Variants in SKA1 observed in about 807,000 individuals in gnomAD.
SKA1 encodes the protein SKA complex subunit 1.
SKA1 carries 20 observed loss-of-function variants against 31.8 expected under a neutral mutation model. That is an observed-to-expected ratio of 0.63 (90% CI 0.44 to 0.91). The LOEUF (loss-of-function observed/expected upper bound fraction) is 0.91. Among genes scored for constraint, SKA1 ranks in the 40% least tolerant of loss-of-function variants. The probability of loss-of-function intolerance (pLI) is 0.00; values close to 1 mark genes in which losing one functional copy is unlikely to be tolerated. For synonymous variants in SKA1, 88 were observed against 100.5 expected, an observed-to-expected ratio of 0.88 and a Z score of 0.74; for missense variants, 253 against 298.2, an observed-to-expected ratio of 0.85 and a Z score of 1.12.
At chr18:50,385,419 G>T in intron 5 of SKA1, 66 bp downstream of exon 5, 5 of 1,300,864 alleles carry the variant, frequency 3.8e-6, no homozygotes, top group Admixed American at 2.3e-5. Context: ...AAATAATAAA[G>T]CTTAATTATA....
intron 5 of SKA1, among the ~76,000 whole-genome samples, chr18:50,388,313 A>G (rs1228851575): frequency 2.6e-5 from 4 of 152,030 alleles, no homozygotes; most frequent in Non-Finnish European, 5.9e-5. Context: ...GATGGTCTCC[A>G]TCTCCTGACC....
At chr18:50,386,718 T>C (rs2041311335) in intron 5 of SKA1, among the ~76,000 whole-genome samples, 1 of 152,230 alleles carries the variant, frequency 6.6e-6, no homozygotes, top group African/African-American at 2.4e-5. Context: ...AAAAGTGCCT[T>C]GTATCCCACC....
chr18:50,391,324 T>C, intron 6 of SKA1, 31 bp downstream of exon 6: 1 of 1,520,674 alleles, frequency 6.6e-7, no homozygotes. Context: ...TGTGTACATG[T>C]GAACTGTTCA....
rs769085551 is a variant in SKA1, at chr18:50,375,954, A to G, written c.88+36A>G. 7 of 1,339,460 alleles carry G rather than the reference A, an allele frequency of 5.2e-6. No individual in the cohort carries two copies. In the East Asian group the frequency reaches 9.2e-5, roughly 18 times the overall value. 83.0% of individuals were successfully genotyped at this position (1,339,460 alleles called of 1,614,324 possible). A position where few individuals can be genotyped will look rare whatever the true frequency, so the allele number is the denominator to read the frequency against. Reference sequence around the variant, plus strand: ...CAGATTCCACTGACTTTGTATATACAAAATGCATTTTGATTATTCCACTCT... The same window carrying G: ...CAGATTCCACTGACTTTGTATATACGAAATGCATTTTGATTATTCCACTCT... On this transcript the variant is annotated intron_variant, in intron 2 of 6. Coordinates refer to ENST00000285116, the MANE Select transcript of SKA1 (RefSeq NM_145060.4).
At chr18:50,387,035 A>G (rs1386444112) in intron 5 of SKA1, among the ~76,000 whole-genome samples, 2 of 152,214 alleles carry the variant, frequency 1.3e-5, no homozygotes, top group African/African-American at 4.8e-5. Flanking sequence ...CATTTGGGTA[A>G]ATACTTAGGA....
Position 50,378,761 on chromosome 18 carries a change from T to C in SKA1, c.89-1365T>C, listed in dbSNP as rs111951187. On this transcript the variant is annotated intron_variant, in intron 2 of 6. Coordinates refer to ENST00000285116, the MANE Select transcript of SKA1 (RefSeq NM_145060.4). ...GAGATACCAGTGTATGGGGAAGAAATACTGTGTTCAACTAATTCTACTGAA... is the reference window on the plus strand; with the variant it reads ...GAGATACCAGTGTATGGGGAAGAAACACTGTGTTCAACTAATTCTACTGAA... Among the ~76,000 whole-genome samples the C allele has an allele frequency of 3.1e-3, 462 of 151,444 alleles. 3 individuals are homozygous for C. The highest frequency in any genetic ancestry group is 0.01 in the African/African-American group (414 of 41,274).
chr18:50,389,433 T>C lies in SKA1; in HGVS notation c.450-1691T>C, dbSNP rs949217053. 1.2e-4 allele frequency among the ~76,000 whole-genome samples: 17 copies of C among 145,710 alleles called. No homozygotes were observed. In the East Asian group the frequency reaches 3.6e-3, roughly 31 times the overall value. The stretch of plus-strand genomic sequence containing the variant: ...TTGTTTTTGAGACAGTCTCACTCTG[T>C]CCCACAGGCTGGAGTGCAGTGGCAT... On this transcript the variant is annotated intron_variant, in intron 5 of 6. Transcript: ENST00000285116.
chr18:50,381,961 A>G (rs2041267164), intron 3 of SKA1, among the ~76,000 whole-genome samples, 168 bp from the exon 4 acceptor site: 1 of 152,070 alleles, frequency 6.6e-6, no homozygotes, highest in African/African-American at 2.4e-5. Flanking sequence ...TCCTGACCTC[A>G]TGATCCACCC....
At position 50,392,182 on chromosome 18, in the gene SKA1, T is replaced by C; in HGVS notation, c.703T>C (p.Leu235=). 6.2e-7 allele frequency: 1 copy of C among 1,610,764 alleles called. No individual in the cohort carries two copies. Among genetic ancestry groups the C allele is most frequent in the Non-Finnish European group, 8.5e-7 (1 of 1,179,456 alleles). The change falls in exon 7 of 7, where the codon TTA becomes CTA. Residue 235 remains leucine, a synonymous_variant. Coordinates refer to ENST00000285116, the MANE Select transcript of SKA1 (RefSeq NM_145060.4). The part of the protein sequence containing the change: ...DKKFHVLLNI[L]RHCRRLSEVR... ...GAAGTTTCACGTGTTACTGAATATT[T>C]TACGACACTGCCGGAGGCTATCAGA... is the stretch of plus-strand genomic sequence containing the variant.
intron 5 of SKA1, among the ~76,000 whole-genome samples, chr18:50,386,794 C>G (rs2041312293): frequency 6.6e-6 from 1 of 152,224 alleles, no homozygotes; most frequent in Non-Finnish European, 1.5e-5. Context: ...GTAGCCTTCT[C>G]TGACTGGCTT....
rs1036116482 is a variant in SKA1, at chr18:50,393,640, T to C, written c.*1393T>C. ...TGTGATATAATAAGAAATATATATT[T>C]GATCTTCCTATCTAGTTCCTTGTTC... On this transcript the variant is annotated 3_prime_UTR_variant, in exon 7 of 7. Transcript: ENST00000285116. The C allele has an allele frequency of 1.3e-5, 2 of 152,236 alleles. No homozygotes were observed. The allele number at this position is 152,236 out of a possible 1,614,324, so 9.4% of individuals were successfully genotyped here.
At chr18:50,382,293 C>A in intron 4 of SKA1, 67 bp downstream of exon 4, 2 of 998,622 alleles carry the variant, frequency 2.0e-6, no homozygotes, top group Non-Finnish European at 1.4e-6. Context: ...TTCTTCAAAG[C>A]CTTTTGTTCT....
chr18:50,387,674 AT>A (rs1490503624), intron 5 of SKA1, among the ~76,000 whole-genome samples: 1 of 152,190 alleles, frequency 6.6e-6, no homozygotes, highest in Non-Finnish European at 1.5e-5. Flanking sequence ...CATCAAAGGC[AT>A]TCTTCATTTC....
chr18:50,392,492 C>G lies in SKA1; in HGVS notation c.*245C>G, dbSNP rs1003786353. 3.9e-6 allele frequency: 1 copy of G among 255,258 alleles called. No individual in the cohort carries two copies. Among genetic ancestry groups the G allele is most frequent in the African/African-American group, 2.2e-5 (1 of 44,858 alleles). The allele number at this position is 255,258 out of a possible 1,614,324, so 15.8% of individuals were successfully genotyped here. On this transcript the variant is annotated 3_prime_UTR_variant, in exon 7 of 7. Coordinates refer to ENST00000285116, the MANE Select transcript of SKA1 (RefSeq NM_145060.4). ...CAAGTGATCCTCCCACCTCAGCCCC[C>G]TGAATGGCTGGGACTACAAGCGTGC...
intron 2 of SKA1, among the ~76,000 whole-genome samples, chr18:50,379,261 A>G (rs1262861894): frequency 6.6e-6 from 1 of 152,126 alleles, no homozygotes; most frequent in African/African-American, 2.4e-5. Context: ...GGGTGCTAGG[A>G]GGTGGGATTG....
In SKA1 at chr18:50,385,371, A is replaced by C; in HGVS notation, c.449+18A>C. On this transcript the variant is annotated intron_variant, in intron 5 of 6. Transcript: ENST00000285116. The stretch of plus-strand genomic sequence containing the variant: ...GTTCCTTCGTAAGTATTTAAGATAA[A>C]TAATGTTCAACCCCTTAATAAACAT... 6.4e-7 allele frequency: 1 copy of C among 1,558,494 alleles called. No homozygotes were observed. Among genetic ancestry groups the C allele is most frequent in the Non-Finnish European group, 8.7e-7 (1 of 1,148,908 alleles).
intron 5 of SKA1, 64 bp downstream of exon 5, chr18:50,385,417 A>C: frequency 7.6e-7 from 1 of 1,316,774 alleles, no homozygotes; most frequent in South Asian, 1.5e-5. Flanking sequence ...TTAAATAATA[A>C]AGCTTAATTA....
At chr18:50,387,099 T>G (rs546597181) in intron 5 of SKA1, among the ~76,000 whole-genome samples, 1 of 152,376 alleles carries the variant, frequency 6.6e-6, no homozygotes, top group African/African-American at 2.4e-5. Context: ...AACCTGCCAA[T>G]GGCTATACCA....
intron 3 of SKA1, among the ~76,000 whole-genome samples, chr18:50,381,290 G>T (rs1447481002): frequency 1.3e-5 from 2 of 152,146 alleles, no homozygotes; most frequent in Non-Finnish European, 2.9e-5. Context: ...AAAAGTTAGA[G>T]ACCAAAACAC....
Sources: gnomAD v4.1 joint callset for allele counts (sites outside exome capture counted in the v4.1 genomes callset) on GRCh38, gnomAD v4.1.1 for gene constraint, MANE v1.5 for transcripts, NCBI Gene and HGNC (gene_info 2026-07-23, HGNC 2026-07-21) for gene names.